The following SPIDR variants were observed in gnomAD, a reference collection of about 807,000 sequenced individuals.
The protein encoded by SPIDR is DNA repair-scaffolding protein.
Under a neutral mutation model 104.6 loss-of-function variants are expected in SPIDR, and 93 were observed. The observed-to-expected ratio is 0.89, with a 90% CI of 0.75 to 1.06. The LOEUF (loss-of-function observed/expected upper bound fraction) is 1.06. Among genes scored for constraint, SPIDR ranks in the 50% least tolerant of loss-of-function variants. The probability of loss-of-function intolerance (pLI) is 0.00; values close to 1 mark genes in which losing one functional copy is unlikely to be tolerated. For missense variants in SPIDR, 1,154 were observed against 1,111.2 expected (o/e 1.04, Z -0.55); for synonymous variants, 431 against 416.9 (o/e 1.03, Z -0.41).
chr8:47,441,191 A>T (rs1395846358), intron 8 of SPIDR, among the ~76,000 whole-genome samples: 1 of 152,144 alleles, frequency 6.6e-6, no homozygotes, highest in Non-Finnish European at 1.5e-5. Context: ...ATTTTTATAA[A>T]TATTATTGCT....
At chr8:47,439,988 A>T (rs1215635576) in intron 7 of SPIDR, among the ~76,000 whole-genome samples, 1 of 152,202 alleles carries the variant, frequency 6.6e-6, no homozygotes, top group Non-Finnish European at 1.5e-5. Context: ...TGTGGTCATC[A>T]AAGGATTTCA....
At chr8:47,573,305 C>T (rs538792742) in intron 8 of SPIDR, among the ~76,000 whole-genome samples, 44 of 152,318 alleles carry the variant, frequency 2.9e-4, no homozygotes, top group Admixed American at 2.8e-3. Flanking sequence ...TGTTACCAAA[C>T]TTGGAGGATG....
intron 8 of SPIDR, among the ~76,000 whole-genome samples, chr8:47,531,519 C>G (rs1423907961): frequency 1.3e-5 from 2 of 152,164 alleles, no homozygotes; most frequent in African/African-American, 4.8e-5. Context: ...GTGAACATTC[C>G]TCAACATTAA....
At chr8:47,580,398 C>T (rs2059591599) in intron 8 of SPIDR, among the ~76,000 whole-genome samples, 1 of 152,180 alleles carries the variant, frequency 6.6e-6, no homozygotes, top group Middle Eastern at 3.2e-3. Context: ...CGGAACTCTG[C>T]ATCAATTCAT....
Position 47,560,389 on chromosome 8 carries a change from A to G in SPIDR, c.1098-35422A>G, listed in dbSNP as rs539938251. Among the ~76,000 whole-genome samples the G allele has an allele frequency of 2.8e-3, 420 of 152,250 alleles. 1 individual carries two copies. Among genetic ancestry groups the G allele is most frequent in the African/African-American group, 9.9e-3 (410 of 41,542 alleles). On this transcript the variant is annotated intron_variant, in intron 8 of 19. Transcript: ENST00000297423. The stretch of plus-strand genomic sequence containing the variant: ...CACCAGCTCCATCCTTGTGTCTTTG[A>G]GTACTGGGTAGCCTGGTGTGCCCTT...
Position 47,705,419 on chromosome 8 carries a change from GA to G in SPIDR, c.1977+3407del, listed in dbSNP as rs200725489. Among the ~76,000 whole-genome samples, 496 of 152,310 alleles carry G rather than the reference GA, an allele frequency of 3.3e-3. 9 individuals are homozygous for G. The East Asian group carries it at 0.033, about 10-fold the overall frequency. On this transcript the variant is annotated intron_variant, in intron 14 of 19. Transcript: ENST00000297423. ...AATGGAACAGGTTCCATGATCCACT[GA>G]AATTCTGTCTGTCTCCTATAGTCTG...
In SPIDR at chr8:47,735,589, G is replaced by A. The variant is rs2086170129; in HGVS notation, c.*139G>A. The A allele has an allele frequency of 6.7e-7, 1 of 1,503,158 alleles. No individual in the cohort carries two copies. The highest frequency in any genetic ancestry group is 8.9e-7 in the Non-Finnish European group (1 of 1,117,654). 93.1% of individuals were successfully genotyped at this position (1,503,158 alleles called of 1,614,324 possible). A position where few individuals can be genotyped will look rare whatever the true frequency, so the allele number is the denominator to read the frequency against. On this transcript the variant is annotated 3_prime_UTR_variant, in exon 20 of 20. Coordinates refer to ENST00000297423, the MANE Select transcript of SPIDR (RefSeq NM_001080394.4). ...TTGAAATGAAACTTAGATTTTTCTG[G>A]GGAAATGTTCAGATACAGTTTTGTG...
chr8:47,535,757 G>T (rs1364989334), intron 8 of SPIDR, among the ~76,000 whole-genome samples: 1 of 152,024 alleles, frequency 6.6e-6, no homozygotes, highest in African/African-American at 2.4e-5. Context: ...CCTCTGCAAA[G>T]AAACCTGCAG....
intron 5 of SPIDR, among the ~76,000 whole-genome samples, chr8:47,391,506 A>G (rs922020449): frequency 1.3e-5 from 2 of 152,088 alleles, no homozygotes; most frequent in African/African-American, 4.8e-5. Context: ...ACGCCACCAC[A>G]CTTCAGCCTG....
intron 5 of SPIDR, among the ~76,000 whole-genome samples, chr8:47,364,557 A>G (rs959476343): frequency 1.3e-5 from 2 of 152,164 alleles, no homozygotes; most frequent in Non-Finnish European, 2.9e-5. Context: ...GCAGTTGTTT[A>G]ATTATCAGTT....
chr8:47,577,778 A>G (rs2059286361), intron 8 of SPIDR, among the ~76,000 whole-genome samples: 1 of 152,212 alleles, frequency 6.6e-6, no homozygotes, highest in Admixed American at 6.5e-5. Flanking sequence ...AATAGCATCA[A>G]CATAACCTTG....
chr8:47,730,408 G>T (rs2085014825), intron 19 of SPIDR, among the ~76,000 whole-genome samples: 2 of 152,230 alleles, frequency 1.3e-5, no homozygotes, highest in Admixed American at 6.5e-5. Context: ...GTGGCCCCTG[G>T]GCACAGCCCC....
intron 7 of SPIDR, among the ~76,000 whole-genome samples, chr8:47,411,607 C>G (rs1342294659): frequency 6.6e-6 from 1 of 152,132 alleles, no homozygotes; most frequent in Non-Finnish European, 1.5e-5. Flanking sequence ...TGTAGGTTGC[C>G]TGTTCACTCT....
At chr8:47,533,755 C>T (rs1218952270) in intron 8 of SPIDR, among the ~76,000 whole-genome samples, 1 of 152,120 alleles carries the variant, frequency 6.6e-6, no homozygotes, top group African/African-American at 2.4e-5. Context: ...ATTATTAAAA[C>T]GTCAAAAAAT....
At position 47,618,145 on chromosome 8, in the gene SPIDR, G is replaced by A. The variant is rs147605259; in HGVS notation, c.1544+18949G>A. Among the ~76,000 whole-genome samples, 22 of 152,274 alleles carry A rather than the reference G, an allele frequency of 1.4e-4. No homozygotes were observed. The East Asian group carries it at 4.0e-3, about 28-fold the overall frequency. On this transcript the variant is annotated intron_variant, in intron 10 of 19. Coordinates refer to ENST00000297423, the MANE Select transcript of SPIDR (RefSeq NM_001080394.4). ...GCTTTTGTGTACGTGGTTTGTGTTTGAATCAGAATTCCTCTCGTGTCATTT... is the reference window on the plus strand; with the variant it reads ...GCTTTTGTGTACGTGGTTTGTGTTTAAATCAGAATTCCTCTCGTGTCATTT...
chr8:47,431,717 TAGAA>T, intron 7 of SPIDR, among the ~76,000 whole-genome samples: 1 of 152,208 alleles, frequency 6.6e-6, no homozygotes, highest in Non-Finnish European at 1.5e-5. Context: ...GTTTCATGCT[TAGAA>T]TAATTGTGGC....
At chr8:47,399,801 G>T (rs1554661181) in intron 6 of SPIDR, among the ~76,000 whole-genome samples, 1 of 152,238 alleles carries the variant, frequency 6.6e-6, no homozygotes, top group Non-Finnish European at 1.5e-5. Context: ...AGGATGTGGA[G>T]CATGGTGAGT....
chr8:47,700,022 A>C (rs1316251240), intron 11 of SPIDR, among the ~76,000 whole-genome samples: 1 of 152,228 alleles, frequency 6.6e-6, no homozygotes, highest in Non-Finnish European at 1.5e-5. Context: ...ATATAGATGC[A>C]TGCATAGATA....
intron 5 of SPIDR, among the ~76,000 whole-genome samples, chr8:47,302,730 G>A (rs1359204158): frequency 1.3e-5 from 2 of 152,292 alleles, no homozygotes; most frequent in Admixed American, 1.3e-4. Flanking sequence ...TGTTTGCCTG[G>A]GTATCAGCAG....
Sources: allele counts gnomAD v4.1 joint callset (sites outside exome capture counted in the v4.1 genomes callset), GRCh38; gene constraint gnomAD v4.1.1; transcripts MANE v1.5; gene names NCBI Gene and HGNC (gene_info 2026-07-23, HGNC 2026-07-21).